The following MID1 variants were observed in gnomAD, a reference collection of about 807,000 sequenced individuals.
MID1 encodes midline 1.
MID1 carries 7 observed loss-of-function variants against 40.4 expected under a neutral mutation model. That is an observed-to-expected ratio of 0.17 (90% CI 0.10 to 0.33). MID1 has a LOEUF of 0.33. MID1 is among the 10% of genes least tolerant of loss of function. The pLI is 1.00. For synonymous variants in MID1, 229 were observed against 221.2 expected, an observed-to-expected ratio of 1.04 and a Z score of -0.31; for missense variants, 367 against 558.5, an observed-to-expected ratio of 0.66 and a Z score of 3.46.
intron 1 of MID1, among the ~76,000 whole-genome samples, chrX:10,779,004 G>A (rs1430090160): frequency 8.9e-6 from 1 of 112,812 alleles, no homozygotes; most frequent in East Asian, 2.8e-4. Flanking sequence ...TGAATTCAGA[G>A]TGTGCAGCAC....
At chrX:10,641,963 A>C (rs190061819) in intron 1 of MID1, among the ~76,000 whole-genome samples, 4 of 112,151 alleles carry the variant, frequency 3.6e-5, no homozygotes, top group African/African-American at 1.3e-4. Context: ...ACAAAATTCA[A>C]CAACACTTCA....
At chrX:10,605,722 G>A (rs1308731125) in intron 1 of MID1, among the ~76,000 whole-genome samples, 1 of 111,151 alleles carries the variant, frequency 9.0e-6, no homozygotes, top group Non-Finnish European at 1.9e-5. Flanking sequence ...TTATTTTGGG[G>A]GTCAGTCTGC....
chrX:10,639,193 G>T (rs1936158359), intron 1 of MID1, among the ~76,000 whole-genome samples: 1 of 112,101 alleles, frequency 8.9e-6, no homozygotes, highest in Non-Finnish European at 1.9e-5. Context: ...GGCTTCAGGT[G>T]ATCAGTAATA....
At chrX:10,482,934 C>A (rs1472283762) in intron 4 of MID1, among the ~76,000 whole-genome samples, 1 of 112,265 alleles carries the variant, frequency 8.9e-6, no homozygotes, top group Admixed American at 9.4e-5. Context: ...GACGTCTTCC[C>A]TGGACTATTC....
chrX:10,757,068 T>C (rs1322979065), intron 1 of MID1, among the ~76,000 whole-genome samples: 1 of 112,032 alleles, frequency 8.9e-6, no homozygotes, highest in Non-Finnish European at 1.9e-5. Flanking sequence ...ATGGTGGTCC[T>C]TGAACTTGGG....
intron 1 of MID1, among the ~76,000 whole-genome samples, chrX:10,572,528 G>A (rs898980562): frequency 9.1e-6 from 1 of 110,403 alleles, no homozygotes; most frequent in African/African-American, 3.3e-5. Flanking sequence ...TCCAGCCTGG[G>A]CAACAGAGCA....
At chrX:10,805,294 C>T (rs1336735967) in intron 1 of MID1, among the ~76,000 whole-genome samples, 1 of 95,644 alleles carries the variant, frequency 1.0e-5, no homozygotes, top group Non-Finnish European at 2.1e-5. Context: ...TTGTTCAATT[C>T]CCACCTATGA....
chrX:10,584,968 G>A (rs372888501), intron 1 of MID1, among the ~76,000 whole-genome samples: 1 of 111,100 alleles, frequency 9.0e-6, no homozygotes, highest in East Asian at 2.8e-4. Context: ...ACGTGAGAGG[G>A]TCATGATCAA....
chrX:10,728,779 T>C (rs183514489), intron 1 of MID1, among the ~76,000 whole-genome samples: 1 of 112,207 alleles, frequency 8.9e-6, no homozygotes, highest in Non-Finnish European at 1.9e-5. Flanking sequence ...ATTTATGCTA[T>C]TGGGTGTGAC....
intron 1 of MID1, among the ~76,000 whole-genome samples, chrX:10,632,156 G>T (rs1203035862): frequency 9.0e-6 from 1 of 111,570 alleles, no homozygotes; most frequent in Non-Finnish European, 1.9e-5. Flanking sequence ...TAAATTAATT[G>T]GTGCTAAATA....
At chrX:10,602,455 C>G (rs1935548708) in intron 1 of MID1, among the ~76,000 whole-genome samples, 1 of 109,803 alleles carries the variant, frequency 9.1e-6, no homozygotes, top group African/African-American at 3.3e-5. Flanking sequence ...AACCCCATAC[C>G]CATTAGCACT....
intron 1 of MID1, among the ~76,000 whole-genome samples, chrX:10,693,883 A>G (rs1030371996): frequency 8.9e-6 from 1 of 112,304 alleles, no homozygotes; most frequent in African/African-American, 3.2e-5. Context: ...AGTGAAGTGA[A>G]TGAGACCTAC....
At chrX:10,625,061 A>G (rs1262645905), upstream of MID1, among the ~76,000 whole-genome samples, 1 of 111,959 alleles carries the variant, frequency 8.9e-6, no homozygotes, top group Non-Finnish European at 1.9e-5. Context: ...GAGGAAAATT[A>G]TTTAAATTAA....
chrX:10,806,937 A>G (rs951519508), intron 1 of MID1, among the ~76,000 whole-genome samples: 2 of 112,110 alleles, frequency 1.8e-5, no homozygotes, highest in South Asian at 7.5e-4. Context: ...TAATTAGAAT[A>G]CTCATTTAAA....
At chrX:10,697,324 C>G (rs1279910720) in intron 1 of MID1, among the ~76,000 whole-genome samples, 2 of 111,590 alleles carry the variant, frequency 1.8e-5, no homozygotes, top group African/African-American at 6.5e-5. Context: ...AGGACTGGAT[C>G]TCAGAATGCC....
intron 1 of MID1, among the ~76,000 whole-genome samples, chrX:10,800,997 C>T (rs1029065492): frequency 9.0e-6 from 1 of 110,666 alleles, no homozygotes. Flanking sequence ...GTTAGGGGAG[C>T]TCTATTTGAC....
chrX:10,616,783 T>C (rs1305210377), intron 1 of MID1, among the ~76,000 whole-genome samples: 5 of 113,068 alleles, frequency 4.4e-5, no homozygotes, highest in African/African-American at 1.6e-4. Flanking sequence ...GAAAGAGAGA[T>C]AGCAGAGAAG....
Position 10,567,223 on chromosome X carries a change from T to C in MID1, c.325A>G (p.Asn109Asp), listed in dbSNP as rs1934585696. Residue 109 changes from asparagine to aspartate, a missense_variant, in exon 2 of 10, where the codon AAC (asparagine) becomes GAC (aspartate). Asn to Asp is a conservative substitution (Grantham distance 23). Coordinates refer to ENST00000317552, the MANE Select transcript of MID1 (RefSeq NM_000381.4). ...ACCTTCTCGGCGGAGGTCATGGTGT[T>C]GGCGTCAAAGGCCCGCTCCCGACGG... is the stretch of plus-strand genomic sequence containing the variant. ...ETRRERAFDA[N>D]TMTSAEKVLC... The C allele has an allele frequency of 8.3e-7, 1 of 1,208,965 alleles. No individual in the cohort carries two copies. Among genetic ancestry groups the C allele is most frequent in the African/African-American group, 1.8e-5 (1 of 57,001 alleles).
At chrX:10,462,412 A>G (rs965439984) in intron 7 of MID1, among the ~76,000 whole-genome samples, 1 of 111,686 alleles carries the variant, frequency 9.0e-6, no homozygotes, top group African/African-American at 3.3e-5. Context: ...AGTTTGCTTA[A>G]GCAAGACTTC....
Sources: allele counts gnomAD v4.1 joint callset (sites outside exome capture counted in the v4.1 genomes callset), GRCh38; gene constraint gnomAD v4.1.1; transcripts MANE v1.5; gene names NCBI Gene and HGNC (gene_info 2026-07-23, HGNC 2026-07-21).